The following ABCB7 variants were observed in gnomAD, a reference collection of about 807,000 sequenced individuals.
ABCB7 encodes the protein iron-sulfur clusters transporter ABCB7, mitochondrial.
ABCB7 carries 7 observed loss-of-function variants against 54.4 expected under a neutral mutation model. That is an observed-to-expected ratio of 0.13 (90% CI 0.07 to 0.24). The LOEUF (loss-of-function observed/expected upper bound fraction) is 0.24. Ranked by LOEUF, ABCB7 falls within the 10% of genes least tolerant of loss-of-function variation. The probability of loss-of-function intolerance (pLI) is 1.00; values close to 1 mark genes in which losing one functional copy is unlikely to be tolerated. For missense variants in ABCB7, 356 were observed against 570.4 expected (o/e 0.62, Z 3.83); for synonymous variants, 218 against 207.1 (o/e 1.05, Z -0.45).
At chrX:75,070,564 TAC>T in intron 9 of ABCB7, 42 bp from the exon 10 acceptor site, 1 of 1,158,382 alleles carries the variant, frequency 8.6e-7, no homozygotes, top group Non-Finnish European at 1.2e-6. Flanking sequence ...AGATAAATGT[TAC>T]ATACTTTTCC....
chrX:75,060,588 CA>C (rs775181984), intron 14 of ABCB7, among the ~76,000 whole-genome samples: 1 of 111,260 alleles, frequency 9.0e-6, no homozygotes, highest in East Asian at 2.8e-4. Context: ...CTCCAAGTTA[CA>C]AAATCTGGGA....
In ABCB7 at chrX:75,119,649, A is replaced by ATTTTT. The variant is rs752792304; in HGVS notation, c.169-4819_169-4818insAAAAA. Among the ~76,000 whole-genome samples the ATTTTT allele has an allele frequency of 2.1e-3, 241 of 112,102 alleles. 1 individual carries two copies. The highest frequency in any genetic ancestry group is 3.8e-3 in the Non-Finnish European group (204 of 53,245). On this transcript the variant is annotated intron_variant, in intron 1 of 15. Transcript: ENST00000373394. ...TCATTTAGTATAAAAATCATACAGGAAGCACTGTCAAATATGAAATGGTAT... is the reference window on the plus strand; with the variant it reads ...TCATTTAGTATAAAAATCATACAGGATTTTTAGCACTGTCAAATATGAAATGGTAT...
At chrX:75,067,480 CT>C (rs757405945) in intron 12 of ABCB7, among the ~76,000 whole-genome samples, 4 of 108,801 alleles carry the variant, frequency 3.7e-5, no homozygotes, top group Non-Finnish European at 3.8e-5. Context: ...TTTCTTTTTC[CT>C]TTTTTTTTCT....
chrX:75,053,346 A>G lies in ABCB7; in HGVS notation c.*24T>C, dbSNP rs1466927496. 4 of 1,209,110 alleles carry G rather than the reference A, an allele frequency of 3.3e-6. No individual in the cohort carries two copies. Among genetic ancestry groups the G allele is most frequent in the African/African-American group, 1.7e-5 (1 of 57,386 alleles). ...TGCAAATATGTAGTCCAAAACAACAAAAAAAGAAAATGTCTTATGTGACTT... is the reference window on the plus strand; with the variant it reads ...TGCAAATATGTAGTCCAAAACAACAGAAAAAGAAAATGTCTTATGTGACTT... On this transcript the variant is annotated 3_prime_UTR_variant, in exon 16 of 16. Transcript: ENST00000373394.
intron 1 of ABCB7, among the ~76,000 whole-genome samples, chrX:75,146,097 C>A (rs186490275): frequency 9.0e-6 from 1 of 111,097 alleles, no homozygotes; most frequent in East Asian, 2.8e-4. Flanking sequence ...AGGAATACAG[C>A]TAACTATAAG....
At chrX:75,148,529 T>C (rs944790673) in intron 1 of ABCB7, among the ~76,000 whole-genome samples, 5 of 111,002 alleles carry the variant, frequency 4.5e-5, no homozygotes, top group Non-Finnish European at 7.5e-5. Flanking sequence ...CAAATTTATA[T>C]GTTGAAGTCC....
chrX:75,127,030 A>C (rs927725779), intron 1 of ABCB7, among the ~76,000 whole-genome samples: 1 of 111,853 alleles, frequency 8.9e-6, no homozygotes, highest in African/African-American at 3.3e-5. Flanking sequence ...ACAATGGAAA[A>C]AAAGGGACTC....
intron 12 of ABCB7, among the ~76,000 whole-genome samples, chrX:75,067,307 T>C (rs756212344): frequency 9.0e-6 from 1 of 111,405 alleles, no homozygotes; most frequent in African/African-American, 3.3e-5. Flanking sequence ...TTACTGATGA[T>C]GTATATTTTC....
intron 14 of ABCB7, among the ~76,000 whole-genome samples, chrX:75,060,651 G>A (rs1169419751): frequency 9.0e-6 from 1 of 111,206 alleles, no homozygotes; most frequent in Non-Finnish European, 1.9e-5. Flanking sequence ...TGTGATATCA[G>A]GAACATAGCC....
At chrX:75,060,445 T>G (rs2081274147) in intron 14 of ABCB7, 115 bp from the exon 15 acceptor site, 2 of 562,038 alleles carry the variant, frequency 3.6e-6, no homozygotes, top group Admixed American at 2.8e-5. Context: ...GCCAGTTTTT[T>G]TTTAGTATGT....
chrX:75,051,810 T>C lies in ABCB7; in HGVS notation c.*1560A>G, dbSNP rs2081197736. 8.9e-6 allele frequency: 1 copy of C among 112,769 alleles called. No homozygotes were observed. Among genetic ancestry groups the C allele is most frequent in the African/African-American group, 3.2e-5 (1 of 31,064 alleles). The allele number at this position is 112,769 out of a possible 1,213,427, so 9.3% of individuals were successfully genotyped here. On this transcript the variant is annotated 3_prime_UTR_variant, in exon 16 of 16. Coordinates refer to ENST00000373394, the MANE Select transcript of ABCB7 (RefSeq NM_001271696.3). ...ATGTTAATATTTTTTAAATGGACAC[T>C]GATTTATACACGTGTGAGCATGTGC...
chrX:75,115,456 TC>T (rs1425974843), intron 1 of ABCB7, among the ~76,000 whole-genome samples: 1 of 83,929 alleles, frequency 1.2e-5, no homozygotes, highest in Non-Finnish European at 2.2e-5. Flanking sequence ...GCTTCTTAAA[TC>T]CCCTAAAGTC....
intron 4 of ABCB7, among the ~76,000 whole-genome samples, chrX:75,082,652 A>G (rs1473700299): frequency 3.6e-5 from 4 of 112,067 alleles, no homozygotes; most frequent in Non-Finnish European, 7.5e-5. Context: ...TGCGGTTTAC[A>G]GTACATCAAG....
rs754683861 is a variant in ABCB7, at chrX:75,148,971, A to C, written c.168+7134T>G. Among the ~76,000 whole-genome samples the C allele has an allele frequency of 3.6e-5, 4 of 112,039 alleles. No individual in the cohort carries two copies. In the South Asian group the frequency reaches 1.5e-3, roughly 42 times the overall value. On this transcript the variant is annotated intron_variant, in intron 1 of 15. Transcript: ENST00000373394. ...AACATTCATGCACTCAAAAATATGAATATATTACAATATTATAGTATAAGT... is the reference window on the plus strand; with the variant it reads ...AACATTCATGCACTCAAAAATATGACTATATTACAATATTATAGTATAAGT...
At chrX:75,115,007 C>A (rs886951810) in intron 1 of ABCB7, among the ~76,000 whole-genome samples, 176 bp from the exon 2 acceptor site, 1 of 111,070 alleles carries the variant, frequency 9.0e-6, no homozygotes, top group Non-Finnish European at 1.9e-5. Context: ...TGGTGGCTCA[C>A]GCCTATAATC....
intron 1 of ABCB7, among the ~76,000 whole-genome samples, chrX:75,135,083 A>T (rs2082000255): frequency 9.1e-6 from 1 of 110,304 alleles, no homozygotes; most frequent in African/African-American, 3.3e-5. Context: ...TATCTAGACT[A>T]ATAAAGAAAA....
intron 4 of ABCB7, among the ~76,000 whole-genome samples, chrX:75,093,898 C>G (rs1408980992): frequency 1.9e-5 from 2 of 106,982 alleles, no homozygotes; most frequent in Non-Finnish European, 3.8e-5. Context: ...TTTAAAGTTA[C>G]AAATGTCAAA....
chrX:75,118,398 CTT>C (rs547804880), intron 1 of ABCB7, among the ~76,000 whole-genome samples: 13 of 98,261 alleles, frequency 1.3e-4, no homozygotes, highest in Non-Finnish European at 2.5e-4. Context: ...TTTAAAAGGC[CTT>C]TTTTTTTTTT....
intron 3 of ABCB7, among the ~76,000 whole-genome samples, chrX:75,104,887 A>C (rs955125088): frequency 1.5e-4 from 17 of 112,191 alleles, no homozygotes; most frequent in Non-Finnish European, 3.0e-4. Flanking sequence ...GGATGCAAGA[A>C]TATATGCAAA....
Sources: gnomAD v4.1 joint callset for allele counts (sites outside exome capture counted in the v4.1 genomes callset) on GRCh38, gnomAD v4.1.1 for gene constraint, MANE v1.5 for transcripts, NCBI Gene and HGNC (gene_info 2026-07-23, HGNC 2026-07-21) for gene names.